ERCC6: variants seen among roughly 807,000 people sequenced by gnomAD.
The protein encoded by ERCC6 is DNA excision repair protein ERCC-6.
Under a neutral mutation model 158.7 loss-of-function variants are expected in ERCC6, and 116 were observed. The observed-to-expected ratio is 0.73, with a 90% CI of 0.63 to 0.85. ERCC6 has a LOEUF of 0.85. Ranked by LOEUF, ERCC6 falls within the 40% of genes least tolerant of loss-of-function variation. The pLI is 0.00. For synonymous variants in ERCC6, 678 were observed against 659.3 expected (o/e 1.03, Z -0.43); for missense variants, 1,698 against 1,799.4 (o/e 0.94, Z 1.02).
In ERCC6 at chr10:49,532,579, A is replaced by G. The variant is rs1238514312; in HGVS notation, c.386T>C (p.Val129Ala). The change falls in exon 2 of 21, where the codon GTG becomes GCG. Residue 129 changes from valine to alanine, a missense_variant. By Grantham distance (64) the Val-to-Ala change is moderately conservative. Transcript: ENST00000355832. ...EASRASQLVD[V>A]EKEYRSVLDD... ...CAGGACCGACCGATACTCCTTCTCC[A>G]CGTCAACGAGCTGGGAGGCACGGCT... 1 of 1,614,018 alleles carries G rather than the reference A, an allele frequency of 6.2e-7. No homozygotes were observed. Among genetic ancestry groups the G allele is most frequent in the East Asian group, 2.2e-5 (1 of 44,900 alleles).
the ERCC6 span, among the ~76,000 whole-genome samples, chr10:49,447,713 AAG>A: frequency 6.6e-6 from 1 of 151,576 alleles, no homozygotes; most frequent in African/African-American, 2.4e-5. Flanking sequence ...AAAAAAAAAA[AAG>A]AAAGAAAGAA....
At chr10:49,498,631 C>A (rs960088118) in intron 7 of ERCC6, among the ~76,000 whole-genome samples, 2 of 152,142 alleles carry the variant, frequency 1.3e-5, no homozygotes, top group East Asian at 1.9e-4. Flanking sequence ...GTCCAATATG[C>A]CACATTATTT....
intron 5 of ERCC6, among the ~76,000 whole-genome samples, chr10:49,521,093 C>T (rs574061320): frequency 6.6e-6 from 1 of 152,302 alleles, no homozygotes; most frequent in African/African-American, 2.4e-5. Context: ...TATTAACAGA[C>T]TGCAAATTTT....
At chr10:49,534,149 A>AG (rs202001914) in intron 1 of ERCC6, among the ~76,000 whole-genome samples, 1 of 144,840 alleles carries the variant, frequency 6.9e-6, no homozygotes, top group South Asian at 2.2e-4. Context: ...AAAAAAAAAA[A>AG]AAAAACAAAA....
At chr10:49,510,583 T>G (rs1035293136) in intron 5 of ERCC6, among the ~76,000 whole-genome samples, 7 of 152,134 alleles carry the variant, frequency 4.6e-5, no homozygotes, top group African/African-American at 1.7e-4. Flanking sequence ...GCCCATCAAG[T>G]GTAGCATATT....
At chr10:49,517,315 T>C (rs1837009130) in intron 5 of ERCC6, among the ~76,000 whole-genome samples, 2 of 152,242 alleles carry the variant, frequency 1.3e-5, no homozygotes, top group South Asian at 2.1e-4. Flanking sequence ...TGTAGTGCAG[T>C]AAAGTTATAT....
chr10:49,517,245 T>G (rs752453826), intron 5 of ERCC6: 1 of 1,352,584 alleles, frequency 7.4e-7, no homozygotes, highest in Non-Finnish European at 9.8e-7. Flanking sequence ...GTATTTTCTT[T>G]TTACCGCACA....
In ERCC6 at chr10:49,482,759, C is replaced by T. The variant is rs75166536; in HGVS notation, c.2097G>A (p.Thr699=). ...AGAACTGCTCCATAAACACAGGCAA[C>T]GTGCCTAACTTTCCCGGGAAGATGA... The part of the protein sequence containing the change: ...FDFIFPGKLG[T]LPVFMEQFSV... Residue 699 remains threonine (T), a synonymous_variant, in exon 10 of 21, where the codon ACG becomes ACA. Transcript: ENST00000355832. 1.9e-5 allele frequency: 30 copies of T among 1,613,680 alleles called. No homozygotes were observed. Among genetic ancestry groups the T allele is most frequent in the Admixed American group, 3.3e-5 (2 of 59,960 alleles).
rs758257014 is a variant in ERCC6, at chr10:49,524,395, T to C, written c.1035A>G (p.Lys345=). The C allele has an allele frequency of 1.8e-5, 29 of 1,614,092 alleles. No individual in the cohort carries two copies. The highest frequency in any genetic ancestry group is 2.3e-5 in the Non-Finnish European group (27 of 1,180,042). Residue 345 remains lysine (K), a synonymous_variant, in exon 5 of 21, where the codon AAA becomes AAG. Coordinates refer to ENST00000355832, the MANE Select transcript of ERCC6 (RefSeq NM_000124.4). ...GTCTCCTTGCCTTTGGCAATCCCAC[T>C]TTCCCCTGGAACTGCAAAGCCCTCT... is the stretch of plus-strand genomic sequence containing the variant. The part of the protein sequence containing the change: ...LQKRALQFQG[K]VGLPKARRPW...
intron 20 of ERCC6, 130 bp from the exon 21 acceptor site, chr10:49,459,364 G>C: frequency 3.3e-6 from 3 of 896,996 alleles, no homozygotes; most frequent in Non-Finnish European, 5.3e-6. Flanking sequence ...GGGTGAGACT[G>C]AGACTCCACC....
In ERCC6 at chr10:49,470,819, G is replaced by T. The variant is rs1459764314; in HGVS notation, c.3141C>A (p.Asp1047Glu). 1 of 1,614,152 alleles carries T rather than the reference G, an allele frequency of 6.2e-7. No homozygotes were observed. Among genetic ancestry groups the T allele is most frequent in the Admixed American group, 1.7e-5 (1 of 60,018 alleles). The part of the protein sequence containing the change: ...KRRIQPAFGA[D>E]HDVPKRKKFP... ...ACTTCTTGCGTTTTGGAACATCATG[G>T]TCTGCTCCAAAGGCTGGTTGAATCC... Residue 1047 changes from aspartate (D) to glutamate (E), a missense_variant, in exon 18 of 21, where the codon GAC becomes GAA. Physicochemically the swap from Asp to Glu is conservative, Grantham distance 45. Coordinates refer to ENST00000355832, the MANE Select transcript of ERCC6 (RefSeq NM_000124.4).
At chr10:49,473,064 T>C in intron 14 of ERCC6, 36 bp from the exon 15 acceptor site, 1 of 1,613,594 alleles carries the variant, frequency 6.2e-7, no homozygotes, top group Non-Finnish European at 8.5e-7. Context: ...GCACACACAC[T>C]TAAGACCAGT....
At chr10:49,530,042 G>C (rs958923071) in intron 3 of ERCC6, among the ~76,000 whole-genome samples, 17 of 152,104 alleles carry the variant, frequency 1.1e-4, no homozygotes, top group African/African-American at 4.1e-4. Flanking sequence ...GCAAAGGTGT[G>C]TGAGGGTCAA....
chr10:49,484,942 T>C (rs1851051372), intron 8 of ERCC6, among the ~76,000 whole-genome samples: 1 of 152,196 alleles, frequency 6.6e-6, no homozygotes, highest in Admixed American at 6.5e-5. Flanking sequence ...GGATTCTACA[T>C]CAATCCAAAC....
At chr10:49,472,862 CTA>C in intron 15 of ERCC6, 45 bp downstream of exon 15, 1 of 1,599,224 alleles carries the variant, frequency 6.3e-7, no homozygotes, top group Non-Finnish European at 8.5e-7. Flanking sequence ...AACCATGAAA[CTA>C]TATTTCTACT....
At chr10:49,477,291 C>T (rs2132545564) in intron 11 of ERCC6, among the ~76,000 whole-genome samples, 1 of 152,290 alleles carries the variant, frequency 6.6e-6, no homozygotes, top group Middle Eastern at 3.4e-3. Context: ...TTCCTTTATT[C>T]CCAGAGGAAG....
At chr10:49,441,395 C>T in the ERCC6 span, among the ~76,000 whole-genome samples, 1 of 152,114 alleles carries the variant, frequency 6.6e-6, no homozygotes, top group Non-Finnish European at 1.5e-5. Flanking sequence ...ACACTGTGGT[C>T]ACGAAGTGGA....
At chr10:49,515,493 T>C (rs762283738) in intron 5 of ERCC6, 4 of 1,614,182 alleles carry the variant, frequency 2.5e-6, no homozygotes, top group Non-Finnish European at 3.4e-6. Context: ...AATGTTACGC[T>C]TCTGAGGTCT....
intron 18 of ERCC6, 32 bp downstream of exon 18, chr10:49,470,150 C>T: frequency 1.3e-6 from 2 of 1,594,826 alleles, no homozygotes; most frequent in Non-Finnish European, 1.7e-6. Context: ...CTAATCCTAG[C>T]ATCCCTGTGG....
Sources: allele counts gnomAD v4.1 joint callset (sites outside exome capture counted in the v4.1 genomes callset), GRCh38; gene constraint gnomAD v4.1.1; transcripts MANE v1.5; gene names NCBI Gene and HGNC (gene_info 2026-07-23, HGNC 2026-07-21).